NXPH1: variants seen among roughly 807,000 people sequenced by gnomAD.
The protein encoded by NXPH1 is neurexophilin-1.
Under a neutral mutation model 23.7 loss-of-function variants are expected in NXPH1, and 5 were observed. The ratio of observed to expected loss-of-function variants is 0.21; its 90% CI spans 0.11 to 0.44. The LOEUF (loss-of-function observed/expected upper bound fraction) is 0.44, where lower values mean the gene tolerates loss of function less well. Among genes scored for constraint, NXPH1 ranks in the 20% least tolerant of loss-of-function variants. The pLI is 0.99. For missense variants in NXPH1, 324 were observed against 321.6 expected, an observed-to-expected ratio of 1.01 and a Z score of -0.06; for synonymous variants, 144 against 122.2, an observed-to-expected ratio of 1.18 and a Z score of -1.18.
At chr7:8,639,697 G>A (rs1421353419) in intron 2 of NXPH1, among the ~76,000 whole-genome samples, 1 of 152,190 alleles carries the variant, frequency 6.6e-6, no homozygotes, top group African/African-American at 2.4e-5. Context: ...GACCCAGGGG[G>A]AGGTGGTTGA....
At chr7:8,600,237 C>T (rs920091060) in intron 2 of NXPH1, among the ~76,000 whole-genome samples, 4 of 151,956 alleles carry the variant, frequency 2.6e-5, no homozygotes, top group African/African-American at 4.8e-5. Context: ...ACTTTTTAAC[C>T]GAATCCTTGG....
intron 2 of NXPH1, among the ~76,000 whole-genome samples, chr7:8,672,420 T>G (rs1562450204): frequency 6.6e-6 from 1 of 151,872 alleles, no homozygotes; most frequent in Non-Finnish European, 1.5e-5. Context: ...TGTATACATA[T>G]GTAACTAACC....
Position 8,728,948 on chromosome 7 carries a change from G to A in NXPH1, c.55-22060G>A, listed in dbSNP as rs1391785925. Among the ~76,000 whole-genome samples, 7 of 144,338 alleles carry A rather than the reference G, an allele frequency of 4.8e-5. No individual in the cohort carries two copies. In the South Asian group the frequency reaches 1.1e-3, roughly 23 times the overall value. The allele number at this position is 144,338 out of a possible 152,430, so 94.7% of individuals were successfully genotyped here. The stretch of plus-strand genomic sequence containing the variant: ...CCTCCTTGTACCTCTGGTAGAATTC[G>A]GCTGTGAATCCATCTGGTCCTGGAC... On this transcript the variant is annotated intron_variant, in intron 2 of 2. Coordinates refer to ENST00000405863, the MANE Select transcript of NXPH1 (RefSeq NM_152745.3).
At position 8,673,688 on chromosome 7, in the gene NXPH1, ATAAT is replaced by A. The variant is rs1176707867; in HGVS notation, c.55-77316_55-77313del. Among the ~76,000 whole-genome samples the A allele has an allele frequency of 5.3e-5, 8 of 152,268 alleles. No homozygotes were observed. In the East Asian group the frequency reaches 1.5e-3, roughly 29 times the overall value. Reference sequence around the variant, plus strand: ...GTGTGTGTGCATGTATGTATGTATGATAATTAACTGAATTATTTCATGAAAGGGA... The same window carrying A: ...GTGTGTGTGCATGTATGTATGTATGATAACTGAATTATTTCATGAAAGGGA... On this transcript the variant is annotated intron_variant, in intron 2 of 2. Transcript: ENST00000405863.
chr7:8,713,453 C>T (rs1177028568), intron 2 of NXPH1, among the ~76,000 whole-genome samples: 1 of 151,826 alleles, frequency 6.6e-6, no homozygotes, highest in African/African-American at 2.4e-5. Flanking sequence ...CTCCCTGGTG[C>T]CTTAGTTTGT....
chr7:8,622,892 G>A (rs924948707), intron 2 of NXPH1, among the ~76,000 whole-genome samples: 1 of 152,182 alleles, frequency 6.6e-6, no homozygotes, highest in South Asian at 2.1e-4. Flanking sequence ...AGGACTATGA[G>A]TGCAGAGGAA....
chr7:8,692,525 C>T (rs2115184228), intron 2 of NXPH1, among the ~76,000 whole-genome samples: 1 of 152,242 alleles, frequency 6.6e-6, no homozygotes, highest in Admixed American at 6.5e-5. Flanking sequence ...ACAAGACTTC[C>T]TAGGTAAGAA....
At chr7:8,527,575 T>G (rs192277492) in intron 2 of NXPH1, among the ~76,000 whole-genome samples, 1 of 152,320 alleles carries the variant, frequency 6.6e-6, no homozygotes, top group Non-Finnish European at 1.5e-5. Flanking sequence ...GGACCAGGAC[T>G]TAAATATTTA....
At chr7:8,619,535 C>T (rs150667310) in intron 2 of NXPH1, among the ~76,000 whole-genome samples, 2 of 152,142 alleles carry the variant, frequency 1.3e-5, no homozygotes, top group African/African-American at 4.8e-5. Flanking sequence ...CATATCCTGG[C>T]TAACCTCATT....
At chr7:8,543,760 C>T (rs1818154058) in intron 2 of NXPH1, among the ~76,000 whole-genome samples, 1 of 151,596 alleles carries the variant, frequency 6.6e-6, no homozygotes, top group South Asian at 2.1e-4. Flanking sequence ...AATGCTTGTC[C>T]ACCTATTGAC....
chr7:8,581,010 G>A (rs906979784), intron 2 of NXPH1, among the ~76,000 whole-genome samples: 2 of 152,190 alleles, frequency 1.3e-5, no homozygotes, highest in Middle Eastern at 3.4e-3. Context: ...AAATCCCTGA[G>A]CAAGAAAGGG....
chr7:8,529,197 C>T (rs1486162853), intron 2 of NXPH1, among the ~76,000 whole-genome samples: 5 of 152,262 alleles, frequency 3.3e-5, no homozygotes, highest in South Asian at 2.1e-4. Flanking sequence ...TAAAGACTCA[C>T]GTGATCACAT....
intron 2 of NXPH1, among the ~76,000 whole-genome samples, chr7:8,541,899 A>T (rs975173317): frequency 6.6e-6 from 1 of 151,686 alleles, no homozygotes; most frequent in African/African-American, 2.4e-5. Flanking sequence ...TAACAAAAAT[A>T]TTTAGTTAAT....
At chr7:8,606,276 T>TA (rs957978056) in intron 2 of NXPH1, among the ~76,000 whole-genome samples, 9 of 151,252 alleles carry the variant, frequency 6.0e-5, no homozygotes, top group South Asian at 2.1e-4. Context: ...CACCTAAGAA[T>TA]AAAAAAAAAT....
intron 2 of NXPH1, among the ~76,000 whole-genome samples, chr7:8,554,148 T>C (rs1005834710): frequency 1.3e-5 from 2 of 150,624 alleles, no homozygotes; most frequent in African/African-American, 4.9e-5. Context: ...CTCAGGGAGC[T>C]TATAACATGA....
At chr7:8,619,365 G>T (rs1431631361) in intron 2 of NXPH1, among the ~76,000 whole-genome samples, 1 of 152,126 alleles carries the variant, frequency 6.6e-6, no homozygotes, top group Non-Finnish European at 1.5e-5. Context: ...CTGCATCTGG[G>T]ATGAAGCTTA....
At chr7:8,668,306 A>G (rs1820812858) in intron 2 of NXPH1, among the ~76,000 whole-genome samples, 1 of 136,262 alleles carries the variant, frequency 7.3e-6, no homozygotes, top group Admixed American at 8.3e-5. Context: ...TGATAACTGC[A>G]CATTTGGAGA....
chr7:8,464,636 A>T (rs955467998), intron 2 of NXPH1, among the ~76,000 whole-genome samples: 1 of 152,228 alleles, frequency 6.6e-6, no homozygotes, highest in Admixed American at 6.5e-5. Context: ...TGTTAAGGCA[A>T]CCTAGAAAAG....
intron 2 of NXPH1, among the ~76,000 whole-genome samples, chr7:8,600,683 CTCTCT>C (rs1159060264): frequency 6.6e-6 from 1 of 152,184 alleles, no homozygotes; most frequent in African/African-American, 2.4e-5. Flanking sequence ...ATTGAACCTT[CTCTCT>C]TCTCTATTAC....
Sources: gnomAD v4.1 joint callset for allele counts (sites outside exome capture counted in the v4.1 genomes callset) on GRCh38, gnomAD v4.1.1 for gene constraint, MANE v1.5 for transcripts, NCBI Gene and HGNC (gene_info 2026-07-23, HGNC 2026-07-21) for gene names.